Variants in CTPS1 observed in about 807,000 individuals in gnomAD.
CTPS1 encodes CTP synthetase 1.
In CTPS1, 25 loss-of-function variants were observed where a neutral mutation model predicts 80.5. The observed-to-expected ratio is 0.31, with a 90% CI of 0.23 to 0.43. CTPS1 has a LOEUF of 0.43. Ranked by LOEUF, CTPS1 falls within the 20% of genes least tolerant of loss-of-function variation. The pLI is 1.00. For synonymous variants in CTPS1, 267 were observed against 252.5 expected, an observed-to-expected ratio of 1.06 and a Z score of -0.54; for missense variants, 442 against 725.7, an observed-to-expected ratio of 0.61 and a Z score of 4.49.
At chr1:40,983,070 C>T (rs1642360492) in intron 1 of CTPS1, 5 of 429,288 alleles carry the variant, frequency 1.2e-5, no homozygotes, top group South Asian at 4.4e-5. Flanking sequence ...TTTTTCTACA[C>T]GTATTTGACT....
At chr1:41,005,565 A>T (rs1643013014) in intron 12 of CTPS1, among the ~76,000 whole-genome samples, 1 of 152,110 alleles carries the variant, frequency 6.6e-6, no homozygotes, top group African/African-American at 2.4e-5. Context: ...AGTTATACTT[A>T]ACGTAAAAAA....
At chr1:40,985,792 C>T (rs567790903) in intron 3 of CTPS1, among the ~76,000 whole-genome samples, 4 of 152,272 alleles carry the variant, frequency 2.6e-5, no homozygotes, top group South Asian at 4.1e-4. Context: ...TTAGCTTCCC[C>T]TCTCACCAGC....
intron 11 of CTPS1, 99 bp downstream of exon 11, chr1:41,002,353 C>A: frequency 1.1e-6 from 1 of 942,972 alleles, no homozygotes; most frequent in Non-Finnish European, 1.7e-6. Context: ...ATTACTGAAA[C>A]ATGCTGTCTT....
At chr1:40,985,127 C>A (rs1338742269) in intron 3 of CTPS1, 136 bp downstream of exon 3, 3 of 522,578 alleles carry the variant, frequency 5.7e-6, no homozygotes, top group Non-Finnish European at 9.1e-6. Flanking sequence ...ATGAAACTCT[C>A]AAGGTATTGT....
At chr1:40,996,937 GA>G (rs577713067) in intron 8 of CTPS1, among the ~76,000 whole-genome samples, 6 of 151,728 alleles carry the variant, frequency 4.0e-5, no homozygotes, top group South Asian at 4.2e-4. Context: ...TCTTTGGTAT[GA>G]AAAAAATTTT....
At chr1:40,992,021 T>A (rs61780429) in intron 7 of CTPS1, among the ~76,000 whole-genome samples, 176 bp downstream of exon 7, 22,717 of 152,128 alleles carry the variant, frequency 0.15, 2,161 homozygotes, top group Non-Finnish European at 0.21. Flanking sequence ...AACACCTGTG[T>A]CCCTCCTGCC....
chr1:40,980,291 C>T (rs769721716), intron 1 of CTPS1: 6 of 152,010 alleles, frequency 3.9e-5, no homozygotes, highest in Non-Finnish European at 7.4e-5. Context: ...GGGCCTCCGG[C>T]CTCGGCGCGG....
rs1643136366 is a variant in CTPS1, at chr1:41,010,227, A to G, written c.1758A>G (p.Pro586=). ...CTGAAATCACCGAACTGAAGTTTCC[A>G]TCAATAAATCATGACTGATCTTGTA... The part of the protein sequence containing the change: ...PDSEITELKF[P]SINHD Residue 586 remains proline (P), a synonymous_variant, in exon 18 of 19, where the codon CCA becomes CCG. Coordinates refer to ENST00000650070, the MANE Select transcript of CTPS1 (RefSeq NM_001905.4). 6.2e-7 allele frequency: 1 copy of G among 1,613,464 alleles called. No individual in the cohort carries two copies. Among genetic ancestry groups the G allele is most frequent in the Non-Finnish European group, 8.5e-7 (1 of 1,179,338 alleles).
intron 3 of CTPS1, among the ~76,000 whole-genome samples, chr1:40,986,787 A>G (rs1642465511): frequency 6.6e-6 from 1 of 152,138 alleles, no homozygotes; most frequent in African/African-American, 2.4e-5. Context: ...CAAAATTTCC[A>G]CAGCTTAACA....
chr1:41,010,212 C>T lies in CTPS1; in HGVS notation c.1743C>T (p.Thr581=), dbSNP rs144289383. 9 of 1,613,844 alleles carry T rather than the reference C, an allele frequency of 5.6e-6. No individual in the cohort carries two copies. The highest frequency in any genetic ancestry group is 5.3e-5 in the African/African-American group (4 of 75,024). ...SGSSSPDSEI[T]ELKFPSINHD ...GCAGCTCCCCTGACTCTGAAATCAC[C>T]GAACTGAAGTTTCCATCAATAAATC... Residue 581 remains threonine, a synonymous_variant, in exon 18 of 19, where the codon ACC becomes ACT. Coordinates refer to ENST00000650070, the MANE Select transcript of CTPS1 (RefSeq NM_001905.4).
rs1643091034 is a variant in CTPS1 at position 41,008,521 on chromosome 1, T to G, written c.1394-138T>G. ...ACTGTGTTGTTAAGAGCAGGTGACCTTAGCAGATTCATAGAAATAGCCCTC... is the reference window on the plus strand; with the variant it reads ...ACTGTGTTGTTAAGAGCAGGTGACCGTAGCAGATTCATAGAAATAGCCCTC... On this transcript the variant is annotated intron_variant, in intron 14 of 18. Transcript: ENST00000650070. 3 of 832,436 alleles carry G rather than the reference T, an allele frequency of 3.6e-6. No individual in the cohort carries two copies. In the African/African-American group the frequency reaches 5.0e-5, roughly 14 times the overall value. 51.6% of individuals were successfully genotyped at this position (832,436 alleles called of 1,614,324 possible).
chr1:41,000,127 G>C (rs1642866573), intron 9 of CTPS1, among the ~76,000 whole-genome samples: 1 of 152,230 alleles, frequency 6.6e-6, no homozygotes, highest in Admixed American at 6.5e-5. Context: ...TTCTATAAGA[G>C]GCAAAACGAA....
chr1:41,001,297 G>T (rs1348278371), intron 10 of CTPS1, among the ~76,000 whole-genome samples, 180 bp downstream of exon 10: 1 of 152,194 alleles, frequency 6.6e-6, no homozygotes, highest in Non-Finnish European at 1.5e-5. Context: ...CAATATCATT[G>T]GATCTGAAAA....
chr1:40,980,439 C>T (rs1651827894), intron 1 of CTPS1: 1 of 152,338 alleles, frequency 6.6e-6, no homozygotes, highest in Non-Finnish European at 1.5e-5. Flanking sequence ...GGTCGGGGCG[C>T]TGGCGGTGTA....
Position 41,007,379 on chromosome 1 carries a change from C to A in CTPS1, c.1297-70C>A. 1 of 1,328,868 alleles carries A rather than the reference C, an allele frequency of 7.5e-7. No homozygotes were observed. Among genetic ancestry groups the A allele is most frequent in the South Asian group, 1.2e-5 (1 of 84,396 alleles). The allele number at this position is 1,328,868 out of a possible 1,614,324, so 82.3% of individuals were successfully genotyped here. On this transcript the variant is annotated intron_variant, in intron 13 of 18. Transcript: ENST00000650070. This position sits in a 1 kb window ranked among gnomAD's most constrained non-coding sequence, Gnocchi z 4.4. Reference sequence around the variant, plus strand: ...TACTTACAAGCCTTTGCCACCCACTCAGCGAGGGAGGTTTCTCTCTAGCGG... The same window carrying A: ...TACTTACAAGCCTTTGCCACCCACTAAGCGAGGGAGGTTTCTCTCTAGCGG...
rs192543258 is a variant in CTPS1, at chr1:40,985,115, G to A, written c.337+124G>A. ...GAAGTTTACATTGTATGTGATTTCA[G>A]CATGAAACTCTCAAGGTATTGTTAC... is the stretch of plus-strand genomic sequence containing the variant. On this transcript the variant is annotated intron_variant, in intron 3 of 18. Coordinates refer to ENST00000650070, the MANE Select transcript of CTPS1 (RefSeq NM_001905.4). 3.2e-4 allele frequency: 180 copies of A among 570,542 alleles called. 2 individuals carry two copies. Among genetic ancestry groups the A allele is most frequent in the Middle Eastern group, 5.2e-4 (1 of 1,906 alleles). The allele number at this position is 570,542 out of a possible 1,614,324, so 35.3% of individuals were successfully genotyped here.
intron 1 of CTPS1, chr1:40,981,930 T>C: frequency 7.9e-7 from 1 of 1,259,946 alleles, no homozygotes; most frequent in African/African-American, 1.5e-5. Flanking sequence ...CCTTAGTTTA[T>C]TTTTATCATA....
chr1:41,007,434 T>C lies in CTPS1; in HGVS notation c.1297-15T>C. On this transcript the variant is annotated splice_polypyrimidine_tract_variant and intron_variant, in intron 13 of 18. Coordinates refer to ENST00000650070, the MANE Select transcript of CTPS1 (RefSeq NM_001905.4). This position sits in a 1 kb window ranked among gnomAD's most constrained non-coding sequence, Gnocchi z 4.4. ...AGAGTTCTGTAGTTGGTGTCTGTTTTCTGAACATCTCCAGGTCGTAGACAT... is the reference window on the plus strand; with the variant it reads ...AGAGTTCTGTAGTTGGTGTCTGTTTCCTGAACATCTCCAGGTCGTAGACAT... 6.2e-7 allele frequency: 1 copy of C among 1,613,130 alleles called. No individual in the cohort carries two copies. Among genetic ancestry groups the C allele is most frequent in the South Asian group, 1.1e-5 (1 of 91,062 alleles).
intron 12 of CTPS1, among the ~76,000 whole-genome samples, chr1:41,004,685 A>T (rs1471943374): frequency 6.6e-6 from 1 of 152,198 alleles, no homozygotes; most frequent in Non-Finnish European, 1.5e-5. Context: ...TGAAGGTTAG[A>T]AAGGTTGAGT....
Sources: allele counts gnomAD v4.1 joint callset (sites outside exome capture counted in the v4.1 genomes callset), GRCh38; gene constraint gnomAD v4.1.1; non-coding constraint Gnocchi (gnomAD v3.1); transcripts MANE v1.5; gene names NCBI Gene and HGNC (gene_info 2026-07-23, HGNC 2026-07-21).